Variants in CTSV observed in about 807,000 individuals in gnomAD.
The protein encoded by CTSV is cathepsin V.
A neutral mutation model predicts 35.6 loss-of-function variants in CTSV; 33 were observed. The ratio of observed to expected loss-of-function variants is 0.93; its 90% confidence interval spans 0.70 to 1.24. The LOEUF (loss-of-function observed/expected upper bound fraction) is 1.24. Among genes scored for constraint, CTSV ranks in the 50% most tolerant of loss-of-function variants. The probability of loss-of-function intolerance (pLI) is 0.00; values close to 1 mark genes in which losing one functional copy is unlikely to be tolerated. For missense variants in CTSV, 408 were observed against 413.1 expected, an observed-to-expected ratio of 0.99 and a Z score of 0.11; for synonymous variants, 154 against 147.1, an observed-to-expected ratio of 1.05 and a Z score of -0.34.
chr9:97,038,937 CCTCGAGGCTGGCAGAG>C (rs1289638361), intron 1 of CTSV, 118 bp downstream of exon 1: 1 of 152,550 alleles, frequency 6.6e-6, no homozygotes, highest in Non-Finnish European at 1.5e-5. Flanking sequence ...CCGTTCCCCA[CCTCGAGGCTGGCAGAG>C]CTCCGGGCAG....
chr9:97,038,158 C>T, intron 1 of CTSV, 105 bp from the exon 2 acceptor site: 2 of 1,254,162 alleles, frequency 1.6e-6, no homozygotes, highest in Non-Finnish European at 2.2e-6. Context: ...TAGCATTTCC[C>T]CAAGGACTGT....
At chr9:97,036,781 C>A in intron 4 of CTSV, 34 bp from the exon 5 acceptor site, 3 of 1,500,008 alleles carry the variant, frequency 2.0e-6, no homozygotes, top group Non-Finnish European at 2.7e-6. Flanking sequence ...TGTAAATTTA[C>A]AAGACCAATA....
At chr9:97,035,930 A>G (rs1828840004) in intron 5 of CTSV, among the ~76,000 whole-genome samples, 1 of 152,224 alleles carries the variant, frequency 6.6e-6, no homozygotes, top group African/African-American at 2.4e-5. Context: ...ACAATGGATA[A>G]AGTTCTATTA....
chr9:97,038,792 G>A (rs1002619735), intron 1 of CTSV, among the ~76,000 whole-genome samples: 2 of 152,140 alleles, frequency 1.3e-5, no homozygotes, highest in African/African-American at 4.8e-5. Flanking sequence ...TGCAGGGAGC[G>A]GGGGCTCCGC....
chr9:97,033,455 A>C (rs1257589199), intron 7 of CTSV, among the ~76,000 whole-genome samples: 1 of 80,776 alleles, frequency 1.2e-5, no homozygotes, highest in African/African-American at 1.0e-4. Flanking sequence ...TACTAAATTA[A>C]AAAAAAAAAA....
chr9:97,034,331 AT>A (rs1327741810), intron 7 of CTSV, among the ~76,000 whole-genome samples: 1 of 152,182 alleles, frequency 6.6e-6, no homozygotes, highest in Non-Finnish European at 1.5e-5. Context: ...CAATAGAAGG[AT>A]GCACACAGAC....
At position 97,036,543 on chromosome 9, in the gene CTSV, A is replaced by G; in HGVS notation, c.601T>C (p.Ser201Pro). The G allele has an allele frequency of 6.2e-7, 1 of 1,613,882 alleles. No individual in the cohort carries two copies. Residue 201 changes from serine to proline, a missense_variant, in exon 5 of 8, where the codon TCC becomes CCC. By Grantham distance (74) the Ser-to-Pro change is moderately conservative (BLOSUM62 -1). Transcript: ENST00000259470. ...TTTACCACTGCTACATATGGATAGG[A>G]TTCCTCAGAGTCCAGGCCTCCGTTC... ...KENGGLDSEE[S>P]YPYVAVDEIC...
chr9:97,035,529 T>C lies in CTSV; in HGVS notation c.786A>G (p.Ser262=). ...TTTCTATAATAAAATGACACTTACC[T>C]GATTTGTAGAACTGGAAGGACGAAT... ...AGHSSFQFYK[S]GIYFEPDCSS... The change falls in exon 6 of 8, where the codon TCA becomes TCG. Residue 262 remains serine, a splice_region_variant and synonymous_variant. Transcript: ENST00000259470. The C allele has an allele frequency of 6.6e-7, 1 of 1,519,436 alleles. No individual in the cohort carries two copies. The highest frequency in any genetic ancestry group is 8.9e-7 in the Non-Finnish European group (1 of 1,127,558). 94.1% of individuals were successfully genotyped at this position (1,519,436 alleles called of 1,614,324 possible). A position where few individuals can be genotyped will look rare whatever the true frequency, so the allele number is the denominator to read the frequency against.
At chr9:97,037,186 A>G in intron 4 of CTSV, 66 bp downstream of exon 4, 2 of 1,530,582 alleles carry the variant, frequency 1.3e-6, no homozygotes, top group South Asian at 2.4e-5. Context: ...CATCTACCAC[A>G]GCAATGACAC....
intron 7 of CTSV, among the ~76,000 whole-genome samples, chr9:97,033,676 T>TA (rs1486177381): frequency 6.6e-6 from 1 of 152,116 alleles, no homozygotes; most frequent in Non-Finnish European, 1.5e-5. Context: ...CGCATGCCTA[T>TA]AGTCCCAGCT....
chr9:97,034,028 C>T (rs923408579), intron 7 of CTSV, among the ~76,000 whole-genome samples: 25 of 152,066 alleles, frequency 1.6e-4, no homozygotes, highest in African/African-American at 5.8e-4. Flanking sequence ...ACTCAGGAGG[C>T]AGAGGTTGCA....
chr9:97,036,669 C>A lies in CTSV; in HGVS notation c.475G>T (p.Val159Phe). 6.2e-7 allele frequency: 1 copy of A among 1,613,978 alleles called. No individual in the cohort carries two copies. Among genetic ancestry groups the A allele is most frequent in the Non-Finnish European group, 8.5e-7 (1 of 1,179,998 alleles). Residue 159 changes from valine (V) to phenylalanine (F), a missense_variant, in exon 5 of 8, where the codon GTC becomes TTC. Physicochemically the swap from Val to Phe is conservative, Grantham distance 50 (BLOSUM62 -1). Coordinates refer to ENST00000259470, the MANE Select transcript of CTSV (RefSeq NM_001333.4). Reference sequence around the variant, plus strand: ...ACCAGATTCTGCTCGCTCAGTGAGACAAGTTTCCCAGTTTTCCGGAACATC... The same window carrying A: ...ACCAGATTCTGCTCGCTCAGTGAGAAAAGTTTCCCAGTTTTCCGGAACATC... ...GQMFRKTGKLVSLSEQNLVDC... is the reference protein window; with the variant it reads ...GQMFRKTGKLFSLSEQNLVDC...
At chr9:97,036,873 G>T in intron 4 of CTSV, 126 bp from the exon 5 acceptor site, 2 of 871,564 alleles carry the variant, frequency 2.3e-6, no homozygotes, top group Non-Finnish European at 3.3e-6. Flanking sequence ...GGGAGGCCGA[G>T]GCGGGCAGAT....
chr9:97,036,623 C>A lies in CTSV; in HGVS notation c.521G>T (p.Gly174Val). The change falls in exon 5 of 8, where the codon GGC (glycine) becomes GTC (valine). Residue 174 changes from glycine to valine, a missense_variant. Coordinates refer to ENST00000259470, the MANE Select transcript of CTSV (RefSeq NM_001333.4). The stretch of plus-strand genomic sequence containing the variant: ...GAAGCCACCATTGCAGCCCTGATTG[C>A]CTTGAGGACGCGAACAGTCCACCAG... ...QNLVDCSRPQ[G>V]NQGCNGGFMA... is the part of the protein sequence containing the mutation. 6.2e-7 allele frequency: 1 copy of A among 1,614,030 alleles called. No homozygotes were observed. Among genetic ancestry groups the A allele is most frequent in the Non-Finnish European group, 8.5e-7 (1 of 1,180,020 alleles).
intron 6 of CTSV, 89 bp downstream of exon 6, chr9:97,035,439 T>C (rs1828828591): frequency 9.3e-7 from 1 of 1,079,818 alleles, no homozygotes; most frequent in Admixed American, 3.5e-5. Flanking sequence ...AAATACTACA[T>C]TCCTGCAAAG....
chr9:97,038,587 CTTGGG>C (rs1234985030), intron 1 of CTSV: 2 of 153,638 alleles, frequency 1.3e-5, no homozygotes, highest in East Asian at 3.8e-4. Flanking sequence ...CCGTCCCACA[CTTGGG>C]TCTGTGCTAC....
intron 2 of CTSV, 148 bp from the exon 3 acceptor site, chr9:97,037,763 A>G: frequency 5.9e-6 from 8 of 1,358,062 alleles, no homozygotes; most frequent in Middle Eastern, 2.0e-4. Context: ...CCAAGACACA[A>G]TGGAGATATA....
rs964660967 is a variant in CTSV, at chr9:97,030,242, T to C, written c.*2707A>G. 1 of 152,148 alleles carries C rather than the reference T, an allele frequency of 6.6e-6. No individual in the cohort carries two copies. Among genetic ancestry groups the C allele is most frequent in the Non-Finnish European group, 1.5e-5 (1 of 68,034 alleles). The allele number at this position is 152,148 out of a possible 1,614,324, so 9.4% of individuals were successfully genotyped here. ...GCAAAACATACACATGAACCACACA[T>C]AGGGCTGAGTGGATGTTTCCTTATT... On this transcript the variant is annotated 3_prime_UTR_variant, in exon 8 of 8. Transcript: ENST00000259470.
At position 97,032,985 on chromosome 9, in the gene CTSV, A is replaced by G; in HGVS notation, c.969T>C (p.Cys323=). 1 of 1,613,508 alleles carries G rather than the reference A, an allele frequency of 6.2e-7. No individual in the cohort carries two copies. Among genetic ancestry groups the G allele is most frequent in the South Asian group, 1.1e-5 (1 of 91,000 alleles). Residue 323 remains cysteine (C), a synonymous_variant, in exon 8 of 8, where the codon TGT becomes TGC. Transcript: ENST00000259470. ...GGTAGCTGGCTGCTGTGGCGATTCC[A>G]CAGTGGTTGTTCTTGTCTTTGGCTA... ...VKIAKDKNNH[C]GIATAASYPN... is the part of the protein sequence containing the mutation.
Sources: allele counts gnomAD v4.1 joint callset (sites outside exome capture counted in the v4.1 genomes callset), GRCh38; gene constraint gnomAD v4.1.1; transcripts MANE v1.5; gene names NCBI Gene and HGNC (gene_info 2026-07-23, HGNC 2026-07-21).